The following CACNA1D variants were observed in gnomAD, a reference collection of about 807,000 sequenced individuals.
CACNA1D encodes calcium voltage-gated channel subunit alpha1 D.
Under a neutral mutation model 257.1 loss-of-function variants are expected in CACNA1D, and 55 were observed. The ratio of observed to expected loss-of-function variants is 0.21; its 90% confidence interval spans 0.17 to 0.27. CACNA1D has a LOEUF of 0.27. CACNA1D is among the 10% of genes least tolerant of loss of function. The probability of loss-of-function intolerance (pLI) is 1.00; values close to 1 mark genes in which losing one functional copy is unlikely to be tolerated. For missense variants in CACNA1D, 1,876 were observed against 2,784.0 expected (o/e 0.67, Z 7.34); for synonymous variants, 980 against 1,014.9 (o/e 0.97, Z 0.65).
At chr3:53,588,554 C>T (rs1248325985) in intron 3 of CACNA1D, among the ~76,000 whole-genome samples, 5 of 152,134 alleles carry the variant, frequency 3.3e-5, no homozygotes, top group African/African-American at 1.2e-4. Flanking sequence ...GTGGAGGTGA[C>T]TGACAGATCT....
Position 53,556,878 on chromosome 3 carries a change from G to A in CACNA1D, c.483+55158G>A, listed in dbSNP as rs533513961. 4.6e-5 allele frequency among the ~76,000 whole-genome samples: 7 copies of A among 152,014 alleles called. No homozygotes were observed. The South Asian group carries it at 1.5e-3, about 32-fold the overall frequency. On this transcript the variant is annotated intron_variant, in intron 3 of 47. Transcript: ENST00000350061. ...CTACAGGCATGTACCACCATGTCTG[G>A]CTAATTTTTGTATTTTTAGTAGAGA... is the stretch of plus-strand genomic sequence containing the variant.
intron 11 of CACNA1D, among the ~76,000 whole-genome samples, chr3:53,720,937 A>G (rs2094877020): frequency 6.6e-6 from 1 of 152,268 alleles, no homozygotes; most frequent in Non-Finnish European, 1.5e-5. Context: ...ATATATGCCT[A>G]CATACAAAGT....
At chr3:53,775,089 T>G (rs555740557) in intron 34 of CACNA1D, among the ~76,000 whole-genome samples, 3 of 152,356 alleles carry the variant, frequency 2.0e-5, no homozygotes, top group East Asian at 1.9e-4. Context: ...TCAAATTTTT[T>G]GGGATTGCTT....
intron 3 of CACNA1D, among the ~76,000 whole-genome samples, chr3:53,616,457 C>T (rs1353993280): frequency 6.6e-6 from 1 of 152,222 alleles, no homozygotes; most frequent in Non-Finnish European, 1.5e-5. Flanking sequence ...CACAGAGGCT[C>T]ACACGCACAT....
At chr3:53,698,711 C>G (rs537725076) in intron 8 of CACNA1D, among the ~76,000 whole-genome samples, 1 of 152,246 alleles carries the variant, frequency 6.6e-6, no homozygotes, top group African/African-American at 2.4e-5. Context: ...CATTCCCATC[C>G]CTTGTTTTCT....
At chr3:53,765,743 T>C (rs2095328507) in intron 30 of CACNA1D, 1 of 152,356 alleles carries the variant, frequency 6.6e-6, no homozygotes, top group Non-Finnish European at 1.5e-5. Flanking sequence ...TGCGTTTGTA[T>C]TCTTTGCAAA....
At chr3:53,749,635 C>T (rs1344527097) in intron 27 of CACNA1D, among the ~76,000 whole-genome samples, 166 bp downstream of exon 27, 1 of 152,206 alleles carries the variant, frequency 6.6e-6, no homozygotes, top group Non-Finnish European at 1.5e-5. Flanking sequence ...GTCATCACTG[C>T]TGAGCGTTAG....
At chr3:53,507,144 G>T (rs2090891325) in intron 3 of CACNA1D, among the ~76,000 whole-genome samples, 2 of 151,068 alleles carry the variant, frequency 1.3e-5, no homozygotes, top group South Asian at 4.2e-4. Context: ...CAGAGTAGAT[G>T]GACTCGTGTA....
rs6147823 is a variant in CACNA1D at position 53,782,264 on chromosome 3, G to GTGTGTATATATATATA, written c.4792+598_4792+599insGTGTATATATATATAT. 3.3e-3 allele frequency: 248 copies of GTGTGTATATATATATA among 75,416 alleles called. 1 individual carries two copies. Among genetic ancestry groups the GTGTGTATATATATATA allele is most frequent in the Admixed American group, 0.01 (55 of 5,394 alleles). 4.7% of individuals were successfully genotyped at this position (75,416 alleles called of 1,614,324 possible). On this transcript the variant is annotated intron_variant, in intron 39 of 47. Transcript: ENST00000350061. ...AGTGTGTGTGTGTGTGTGTGTGTGT[G>GTGTGTATATATATATA]TATATATATATATATATATATATAT...
At chr3:53,661,670 G>A (rs2094205079) in intron 5 of CACNA1D, among the ~76,000 whole-genome samples, 1 of 152,186 alleles carries the variant, frequency 6.6e-6, no homozygotes, top group African/African-American at 2.4e-5. Context: ...TGCAGACTTT[G>A]GGGGCTGTGG....
chr3:53,554,067 G>A (rs1462131788), intron 3 of CACNA1D, among the ~76,000 whole-genome samples: 1 of 151,816 alleles, frequency 6.6e-6, no homozygotes, highest in East Asian at 1.9e-4. Context: ...GTGGTGGTGG[G>A]TGCCTATAGT....
chr3:53,642,859 T>C (rs554066647), intron 3 of CACNA1D, among the ~76,000 whole-genome samples: 1 of 152,346 alleles, frequency 6.6e-6, no homozygotes, highest in Non-Finnish European at 1.5e-5. Context: ...CAGGGAGAAG[T>C]GTATTCACAC....
At chr3:53,523,543 A>G (rs560795061) in intron 3 of CACNA1D, among the ~76,000 whole-genome samples, 7 of 152,372 alleles carry the variant, frequency 4.6e-5, no homozygotes, top group African/African-American at 1.7e-4. Context: ...GCGCTTCGCC[A>G]TAGGCACATT....
chr3:53,760,936 T>G (rs1270171481), intron 29 of CACNA1D, among the ~76,000 whole-genome samples: 1 of 152,110 alleles, frequency 6.6e-6, no homozygotes, highest in Non-Finnish European at 1.5e-5. Context: ...TTCAGGGCTT[T>G]TGATTGGTAG....
chr3:53,805,186 G>C (rs759786105), intron 45 of CACNA1D, 40 bp downstream of exon 45: 65 of 1,596,786 alleles, frequency 4.1e-5, no homozygotes, highest in Middle Eastern at 1.7e-4. Context: ...ACCTCCCGGG[G>C]AACAGTGTAC....
chr3:53,737,993 G>A (rs868840337), intron 20 of CACNA1D, among the ~76,000 whole-genome samples: 2 of 152,222 alleles, frequency 1.3e-5, no homozygotes, highest in South Asian at 4.1e-4. Context: ...TCGGCACTGA[G>A]GACCATTCAA....
intron 37 of CACNA1D, among the ~76,000 whole-genome samples, chr3:53,779,219 A>G (rs1446393921): frequency 9.9e-5 from 15 of 152,188 alleles, no homozygotes. Flanking sequence ...AAAAAAGGAG[A>G]AGACTGTTTG....
At chr3:53,733,514 T>G (rs2095020809) in intron 19 of CACNA1D, among the ~76,000 whole-genome samples, 1 of 152,166 alleles carries the variant, frequency 6.6e-6, no homozygotes, top group African/African-American at 2.4e-5. Context: ...TTGTAAGTAT[T>G]CAGTTCAGCT....
chr3:53,497,593 T>G, intron 2 of CACNA1D, 132 bp downstream of exon 2: 1 of 880,960 alleles, frequency 1.1e-6, no homozygotes, highest in Non-Finnish European at 1.8e-6. Flanking sequence ...ATATAAGGGG[T>G]TTCATTGTAT....
Sources: gnomAD v4.1 joint callset for allele counts (sites outside exome capture counted in the v4.1 genomes callset) on GRCh38, gnomAD v4.1.1 for gene constraint, MANE v1.5 for transcripts, NCBI Gene and HGNC (gene_info 2026-07-23, HGNC 2026-07-21) for gene names.